Variants in CCDC180 observed in about 807,000 individuals in gnomAD.
CCDC180 encodes coiled-coil domain-containing protein 180.
Under a neutral mutation model 209.2 loss-of-function variants are expected in CCDC180, and 154 were observed. The ratio of observed to expected loss-of-function variants is 0.74; its 90% CI spans 0.65 to 0.84. The LOEUF (loss-of-function observed/expected upper bound fraction) is 0.84, where lower values mean the gene tolerates loss of function less well. CCDC180 is among the 40% of genes least tolerant of loss of function. The pLI is 0.00. For missense variants in CCDC180, 1,874 were observed against 1,997.3 expected (o/e 0.94, Z 1.18); for synonymous variants, 778 against 749.1 (o/e 1.04, Z -0.63).
intron 13 of CCDC180, among the ~76,000 whole-genome samples, chr9:97,324,191 G>A (rs776793485): frequency 6.6e-6 from 1 of 152,120 alleles, no homozygotes; most frequent in Non-Finnish European, 1.5e-5. Context: ...GGCACAATAA[G>A]CCCCCAGCCC....
chr9:97,321,872 T>G (rs756339879), intron 11 of CCDC180, among the ~76,000 whole-genome samples: 5 of 151,958 alleles, frequency 3.3e-5, no homozygotes, highest in Non-Finnish European at 7.4e-5. Flanking sequence ...AGGGATACAG[T>G]GTACAGGGCC....
intron 18 of CCDC180, among the ~76,000 whole-genome samples, chr9:97,332,986 T>C (rs972123569): frequency 2.0e-5 from 3 of 152,166 alleles, no homozygotes; most frequent in African/African-American, 7.2e-5. Flanking sequence ...GCCCAATCAG[T>C]ATGTTGGCTC....
chr9:97,369,895 T>G (rs768433579), intron 31 of CCDC180, 27 bp from the exon 32 acceptor site: 1 of 1,613,518 alleles, frequency 6.2e-7, no homozygotes, highest in South Asian at 1.1e-5. Flanking sequence ...GTTCCCTCCC[T>G]TGGCCTCTTA....
At chr9:97,322,226 G>C (rs962867697) in intron 11 of CCDC180, among the ~76,000 whole-genome samples, 6 of 152,086 alleles carry the variant, frequency 3.9e-5, no homozygotes, top group Non-Finnish European at 7.4e-5. Context: ...ACCCTCCCAG[G>C]TATCCTAAAT....
chr9:97,365,003 T>C (rs572645491), intron 29 of CCDC180, among the ~76,000 whole-genome samples: 4 of 152,166 alleles, frequency 2.6e-5, no homozygotes, highest in Non-Finnish European at 5.9e-5. Flanking sequence ...ATGAGTTTAT[T>C]TGAACAGTCA....
At chr9:97,374,758 CATTGTGTT>C in intron 35 of CCDC180, 110 bp downstream of exon 35, 1 of 802,596 alleles carries the variant, frequency 1.2e-6, no homozygotes, top group Non-Finnish European at 2.0e-6. Context: ...CTGGGAAAGG[CATTGTGTT>C]CTGAGCCTTA....
intron 1 of CCDC180, 76 bp downstream of exon 1, chr9:97,307,882 C>A: frequency 6.2e-7 from 1 of 1,600,494 alleles, no homozygotes; most frequent in South Asian, 1.1e-5. Flanking sequence ...AGCAGAGAGT[C>A]CTTCCCCGGG....
At chr9:97,332,938 T>C (rs991582686) in intron 18 of CCDC180, among the ~76,000 whole-genome samples, 2 of 152,210 alleles carry the variant, frequency 1.3e-5, no homozygotes, top group African/African-American at 4.8e-5. Context: ...GGCCTCCTTG[T>C]CTTGTGCTGG....
At chr9:97,334,761 A>G (rs1374926316) in intron 18 of CCDC180, among the ~76,000 whole-genome samples, 1 of 152,214 alleles carries the variant, frequency 6.6e-6, no homozygotes, top group Non-Finnish European at 1.5e-5. Context: ...AACATAAGGA[A>G]CAAAATCATA....
At chr9:97,349,674 A>G (rs1423690723) in intron 21 of CCDC180, among the ~76,000 whole-genome samples, 1 of 152,166 alleles carries the variant, frequency 6.6e-6, no homozygotes, top group Non-Finnish European at 1.5e-5. Flanking sequence ...TGAATTCCAC[A>G]ATCAGTGAAA....
Position 97,359,113 on chromosome 9 carries a change from AG to A in CCDC180, c.3364-866del, listed in dbSNP as rs1409670889. Among the ~76,000 whole-genome samples the A allele has an allele frequency of 2.6e-5, 4 of 152,320 alleles. No homozygotes were observed. In the South Asian group the frequency reaches 6.2e-4, roughly 24 times the overall value. On this transcript the variant is annotated intron_variant, in intron 25 of 36. Coordinates refer to ENST00000529487, the MANE Select transcript of CCDC180 (RefSeq NM_020893.6). ...CCCTGCAGTGCAGTTGTGCAGAGGA[AG>A]GGTGGCTCCTATATTTTGCCTGTGA...
chr9:97,333,503 G>GTTTTTGTT (rs1564157871), intron 18 of CCDC180, among the ~76,000 whole-genome samples: 3 of 72,846 alleles, frequency 4.1e-5, no homozygotes, highest in Non-Finnish European at 2.6e-5. Context: ...CTGGGTTTGG[G>GTTTTTGTT]TTTTTTTTTT....
At chr9:97,327,900 T>C (rs1293089401) in intron 15 of CCDC180, 120 bp from the exon 16 acceptor site, 2 of 1,100,512 alleles carry the variant, frequency 1.8e-6, no homozygotes, top group Admixed American at 2.5e-5. Flanking sequence ...ACTGCTGCTA[T>C]AAAAGAGCAG....
chr9:97,323,883 G>A lies in CCDC180; in HGVS notation c.1351G>A (p.Glu451Lys). ...GGGAGCACTCCAGGGCAAAGTGGAGGAGGACCTGGAGCTCTTGGACGTGCG... is the reference window on the plus strand; with the variant it reads ...GGGAGCACTCCAGGGCAAAGTGGAGAAGGACCTGGAGCTCTTGGACGTGCG... ...MVGALQGKVEEDLELLDKSFE... is the reference protein window; with the variant it reads ...MVGALQGKVEKDLELLDKSFE... The change falls in exon 13 of 37, where the codon GAG (glutamate) becomes AAG (lysine). Residue 451 changes from glutamate (E) to lysine (K), a missense_variant. By Grantham distance (56) the Glu-to-Lys change is moderately conservative. Coordinates refer to ENST00000529487, the MANE Select transcript of CCDC180 (RefSeq NM_020893.6). The A allele has an allele frequency of 6.4e-7, 1 of 1,554,728 alleles. No homozygotes were observed. Among genetic ancestry groups the A allele is most frequent in the Non-Finnish European group, 8.7e-7 (1 of 1,148,722 alleles).
At chr9:97,368,887 A>G (rs1487687471) in intron 31 of CCDC180, among the ~76,000 whole-genome samples, 2 of 152,252 alleles carry the variant, frequency 1.3e-5, no homozygotes, top group Non-Finnish European at 2.9e-5. Context: ...GCCTTGAGCA[A>G]GAGGCAGCAG....
chr9:97,322,964 A>G (rs1224361978), intron 12 of CCDC180, 43 bp downstream of exon 12: 4 of 1,551,894 alleles, frequency 2.6e-6, no homozygotes, highest in Middle Eastern at 1.7e-4. Flanking sequence ...AATCCTGGGC[A>G]GGACCTGAAG....
chr9:97,320,245 A>G, intron 11 of CCDC180, 40 bp downstream of exon 11: 1 of 1,569,784 alleles, frequency 6.4e-7, no homozygotes, highest in Admixed American at 1.7e-5. Context: ...ATTTCTCCAG[A>G]ACTGTTTAAG....
intron 31 of CCDC180, chr9:97,369,573 C>G: frequency 5.0e-6 from 1 of 198,670 alleles, no homozygotes; most frequent in Admixed American, 5.4e-5. Context: ...CCTCCCACTT[C>G]AGCCTCCTGA....
chr9:97,317,031 C>T lies in CCDC180; in HGVS notation c.796-34C>T, dbSNP rs745919190. On this transcript the variant is annotated intron_variant, in intron 8 of 36. Coordinates refer to ENST00000529487, the MANE Select transcript of CCDC180 (RefSeq NM_020893.6). ...TTGCCCTGACCCGAGAGAGACCCTG[C>T]CCTGTCTAGAGCCCTGCCCATCTGT... The T allele has an allele frequency of 1.9e-6, 3 of 1,571,118 alleles. No individual in the cohort carries two copies. The Admixed American group carries it at 5.2e-5, about 27-fold the overall frequency.
Sources: allele counts gnomAD v4.1 joint callset (sites outside exome capture counted in the v4.1 genomes callset), GRCh38; gene constraint gnomAD v4.1.1; transcripts MANE v1.5; gene names NCBI Gene and HGNC (gene_info 2026-07-23, HGNC 2026-07-21).